DIS3L2: variants seen among roughly 807,000 people sequenced by gnomAD.
The protein encoded by DIS3L2 is DIS3 like 3'-5' exoribonuclease 2.
DIS3L2 carries 34 observed loss-of-function variants against 97.5 expected under a neutral mutation model. That is an observed-to-expected ratio of 0.35 (90% confidence interval 0.27 to 0.46). The LOEUF is 0.46. DIS3L2 is among the 20% of genes least tolerant of loss of function. The pLI, the probability that DIS3L2 is intolerant of heterozygous loss-of-function variation, is 1.00. For synonymous variants in DIS3L2, 435 were observed against 445.2 expected (o/e 0.98, Z 0.29); for missense variants, 1,038 against 1,146.0 (o/e 0.91, Z 1.36).
chr2:231,961,957 C>G (rs1692568840), intron 1 of DIS3L2, among the ~76,000 whole-genome samples, 192 bp downstream of exon 1: 1 of 152,234 alleles, frequency 6.6e-6, no homozygotes, highest in South Asian at 2.1e-4. Context: ...GCATCTCCCT[C>G]AATGTCCCCA....
downstream of DIS3L2, chr2:232,340,735 C>T (rs1327196413): frequency 6.4e-6 from 3 of 470,604 alleles, no homozygotes; most frequent in South Asian, 1.5e-5. Context: ...AGACAAAGAA[C>T]CCAACCTCAG....
At chr2:232,141,730 C>T (rs571507771) in intron 8 of DIS3L2, among the ~76,000 whole-genome samples, 21 of 152,142 alleles carry the variant, frequency 1.4e-4, no homozygotes, top group Non-Finnish European at 2.2e-4. Flanking sequence ...GAGGTCTGTT[C>T]TGGTATCACC....
At chr2:232,087,247 GGA>G (rs546433526) in intron 5 of DIS3L2, among the ~76,000 whole-genome samples, 283 of 152,216 alleles carry the variant, frequency 1.9e-3, no homozygotes, top group Non-Finnish European at 3.2e-3. Context: ...TATGAGAAGT[GGA>G]TAAGGCATTA....
At position 232,336,825 on chromosome 2, in the gene DIS3L2, G is replaced by A. The variant is rs1695972090; in HGVS notation, c.*195G>A. ...AGGGTGGGGCTGGAAGGAAGGCTGA[G>A]GCCTGGTCAGCAGTGACCCCAGCAG... On this transcript the variant is annotated 3_prime_UTR_variant, in exon 21 of 21. Transcript: ENST00000325385. 2 of 1,413,628 alleles carry A rather than the reference G, an allele frequency of 1.4e-6. No homozygotes were observed. The highest frequency in any genetic ancestry group is 1.4e-5 in the African/African-American group (1 of 69,174). 87.6% of individuals were successfully genotyped at this position (1,413,628 alleles called of 1,614,324 possible). A position where few individuals can be genotyped will look rare whatever the true frequency, so the allele number is the denominator to read the frequency against.
At chr2:232,192,635 C>T (rs1164464109) in intron 9 of DIS3L2, among the ~76,000 whole-genome samples, 1 of 152,216 alleles carries the variant, frequency 6.6e-6, no homozygotes. Context: ...CCTCCCCACA[C>T]CTGGAGCTCT....
Position 232,087,820 on chromosome 2 carries a change from A to T in DIS3L2, c.601+99A>T, listed in dbSNP as rs143068139. On this transcript the variant is annotated intron_variant, in intron 6 of 20. Transcript: ENST00000325385. ...GAGTAAATAACACAATGCCATTGAT[A>T]TAGTCCTAATTTTTGACCTGTGGCA... 264 of 973,392 alleles carry T rather than the reference A, an allele frequency of 2.7e-4. 2 individuals carry two copies. The East Asian group carries it at 5.0e-3, about 18-fold the overall frequency. The allele number at this position is 973,392 out of a possible 1,614,324, so 60.3% of individuals were successfully genotyped here.
At chr2:232,108,158 A>T (rs372692836) in intron 6 of DIS3L2, among the ~76,000 whole-genome samples, 1 of 152,208 alleles carries the variant, frequency 6.6e-6, no homozygotes, top group Non-Finnish European at 1.5e-5. Flanking sequence ...AACCGAGTTC[A>T]GCAGCTCATC....
At chr2:232,007,413 G>A (rs1186239992) in intron 1 of DIS3L2, among the ~76,000 whole-genome samples, 1 of 152,166 alleles carries the variant, frequency 6.6e-6, no homozygotes, top group East Asian at 1.9e-4. Context: ...CTGGCTCACT[G>A]CAGCCTCCAC....
intron 10 of DIS3L2, among the ~76,000 whole-genome samples, chr2:232,237,069 T>C (rs1692952120): frequency 6.6e-6 from 1 of 152,214 alleles, no homozygotes; most frequent in Non-Finnish European, 1.5e-5. Context: ...ATTTTACATG[T>C]ATACTCTTTT....
At chr2:231,982,491 A>G (rs1387268712) in intron 1 of DIS3L2, among the ~76,000 whole-genome samples, 1 of 152,090 alleles carries the variant, frequency 6.6e-6, no homozygotes, top group East Asian at 1.9e-4. Context: ...TTTGTGTTTT[A>G]TGATAACTTC....
intron 10 of DIS3L2, among the ~76,000 whole-genome samples, chr2:232,225,564 G>A (rs149868334): frequency 1.2e-3 from 185 of 152,252 alleles, no homozygotes; most frequent in African/African-American, 4.4e-3. Context: ...ATTATCTTTG[G>A]TGAGTGTAAA....
chr2:232,259,488 A>G (rs1693661036), intron 12 of DIS3L2, among the ~76,000 whole-genome samples: 1 of 152,028 alleles, frequency 6.6e-6, no homozygotes, highest in South Asian at 2.1e-4. Context: ...AGCTACAGAG[A>G]TGTGCTTAGA....
At chr2:232,087,749 T>C in intron 6 of DIS3L2, 28 bp downstream of exon 6, 1 of 1,548,094 alleles carries the variant, frequency 6.5e-7, no homozygotes, top group Non-Finnish European at 8.9e-7. Context: ...GTCTTACTTT[T>C]TTTTTAAGTA....
At chr2:232,208,281 CTCT>C in intron 9 of DIS3L2, among the ~76,000 whole-genome samples, 1 of 151,946 alleles carries the variant, frequency 6.6e-6, no homozygotes, top group Non-Finnish European at 1.5e-5. Flanking sequence ...TTCTCCTCTC[CTCT>C]TCTTATCCCC....
intron 10 of DIS3L2, among the ~76,000 whole-genome samples, chr2:232,219,268 G>C (rs1216782001): frequency 6.6e-6 from 1 of 152,160 alleles, no homozygotes; most frequent in Non-Finnish European, 1.5e-5. Flanking sequence ...CCTAAGAGCA[G>C]GGTGTTCCTT....
chr2:232,071,231 C>T (rs182944691), intron 5 of DIS3L2, among the ~76,000 whole-genome samples: 7 of 152,182 alleles, frequency 4.6e-5, no homozygotes, highest in Admixed American at 4.6e-4. Flanking sequence ...TTGTTAGAGA[C>T]CTATTCTTGG....
chr2:232,174,164 T>G (rs527544851), intron 9 of DIS3L2, among the ~76,000 whole-genome samples: 11 of 152,218 alleles, frequency 7.2e-5, no homozygotes, highest in Non-Finnish European at 1.5e-4. Flanking sequence ...TAATCCTACA[T>G]ATTTATTCTT....
At chr2:232,050,018 T>G (rs576166406) in intron 5 of DIS3L2, among the ~76,000 whole-genome samples, 1 of 152,320 alleles carries the variant, frequency 6.6e-6, no homozygotes, top group African/African-American at 2.4e-5. Flanking sequence ...GTGATGTGGA[T>G]TCTGCAGTTT....
intron 6 of DIS3L2, among the ~76,000 whole-genome samples, chr2:232,107,291 C>T (rs1697381916): frequency 6.6e-6 from 1 of 151,970 alleles, no homozygotes; most frequent in Admixed American, 6.6e-5. Context: ...CATGAAAAAC[C>T]CTTCAAAAAA....
Sources: gnomAD v4.1 joint callset for allele counts (sites outside exome capture counted in the v4.1 genomes callset) on GRCh38, gnomAD v4.1.1 for gene constraint, MANE v1.5 for transcripts, NCBI Gene and HGNC (gene_info 2026-07-23, HGNC 2026-07-21) for gene names.